Variants in SNX14 observed in about 807,000 individuals in gnomAD.
SNX14 encodes the protein sorting nexin-14.
Under a neutral mutation model 133.8 loss-of-function variants are expected in SNX14, and 93 were observed. The observed-to-expected ratio is 0.70, with a 90% CI of 0.59 to 0.83. The LOEUF (loss-of-function observed/expected upper bound fraction) is 0.83, where lower values mean the gene tolerates loss of function less well. Ranked by LOEUF, SNX14 falls within the 40% of genes least tolerant of loss-of-function variation. The probability of loss-of-function intolerance (pLI) is 0.00; values close to 1 mark genes in which losing one functional copy is unlikely to be tolerated. For missense variants in SNX14, 945 were observed against 1,094.9 expected, an observed-to-expected ratio of 0.86 and a Z score of 1.93; for synonymous variants, 368 against 365.6, an observed-to-expected ratio of 1.01 and a Z score of -0.07.
chr6:85,571,806 G>A (rs1795701770), intron 4 of SNX14, among the ~76,000 whole-genome samples: 1 of 152,108 alleles, frequency 6.6e-6, no homozygotes, highest in South Asian at 2.1e-4. Flanking sequence ...GCTATATATT[G>A]ATTTGCTCCT....
At chr6:85,532,600 C>T (rs1780634651) in intron 18 of SNX14, among the ~76,000 whole-genome samples, 1 of 152,224 alleles carries the variant, frequency 6.6e-6, no homozygotes, top group African/African-American at 2.4e-5. Context: ...ATAACTCCCT[C>T]TTCCTGAGCT....
At chr6:85,561,826 T>G (rs185782930) in intron 6 of SNX14, among the ~76,000 whole-genome samples, 1 of 141,128 alleles carries the variant, frequency 7.1e-6, no homozygotes, top group Non-Finnish European at 1.5e-5. Context: ...TTCTTTTTTG[T>G]TTTTTTTTTT....
At chr6:85,506,270 G>A (rs762431711) in intron 28 of SNX14, among the ~76,000 whole-genome samples, 2 of 151,904 alleles carry the variant, frequency 1.3e-5, no homozygotes, top group East Asian at 1.9e-4. Flanking sequence ...TACAAAGTCT[G>A]TAACTGCCAC....
At chr6:85,580,871 C>G (rs1442830884) in intron 1 of SNX14, among the ~76,000 whole-genome samples, 1 of 152,120 alleles carries the variant, frequency 6.6e-6, no homozygotes, top group Non-Finnish European at 1.5e-5. Context: ...GTTTCCAACT[C>G]CTGGTCCTGG....
intron 26 of SNX14, among the ~76,000 whole-genome samples, chr6:85,512,103 T>C (rs544076886): frequency 3.3e-5 from 5 of 152,108 alleles, no homozygotes; most frequent in Middle Eastern, 3.2e-3. Flanking sequence ...CCTTCTTCCA[T>C]GTGGAAGGCC....
chr6:85,578,447 G>GT (rs576061910), intron 1 of SNX14, among the ~76,000 whole-genome samples: 43 of 152,064 alleles, frequency 2.8e-4, no homozygotes, highest in Non-Finnish European at 4.6e-4. Context: ...GAAGAGGGGG[G>GT]TATCCTGGGG....
intron 7 of SNX14, among the ~76,000 whole-genome samples, chr6:85,556,411 A>AT (rs201884569): frequency 1.3e-5 from 2 of 151,382 alleles, no homozygotes; most frequent in East Asian, 3.9e-4. Flanking sequence ...AAGAAAAAAA[A>AT]TTTGTTTTTA....
At chr6:85,565,273 A>G (rs996217848) in intron 6 of SNX14, 59 bp downstream of exon 6, 1 of 1,116,510 alleles carries the variant, frequency 9.0e-7, no homozygotes, top group South Asian at 1.5e-5. Context: ...ATTGTTTTAA[A>G]TCTCTTTCAT....
intron 6 of SNX14, among the ~76,000 whole-genome samples, chr6:85,559,243 T>C (rs1454968220): frequency 6.6e-6 from 1 of 152,202 alleles, no homozygotes; most frequent in Non-Finnish European, 1.5e-5. Flanking sequence ...GCTAGTATTA[T>C]ACCTCATTGA....
At chr6:85,557,432 A>G (rs1790136127) in intron 7 of SNX14, among the ~76,000 whole-genome samples, 1 of 152,242 alleles carries the variant, frequency 6.6e-6, no homozygotes, top group Non-Finnish European at 1.5e-5. Flanking sequence ...TGTGCAAATC[A>G]TGACAGGAAA....
chr6:85,520,796 A>G (rs1776615085), intron 21 of SNX14, among the ~76,000 whole-genome samples: 1 of 152,156 alleles, frequency 6.6e-6, no homozygotes, highest in African/African-American at 2.4e-5. Context: ...GTTCATCCAC[A>G]TTGTTGCTAG....
intron 1 of SNX14, among the ~76,000 whole-genome samples, chr6:85,586,960 T>G (rs1801070915): frequency 6.6e-6 from 1 of 151,974 alleles, no homozygotes; most frequent in Non-Finnish European, 1.5e-5. Flanking sequence ...GCACAAGAAT[T>G]CCTTGAACTG....
At chr6:85,557,879 T>C (rs1790247232) in intron 7 of SNX14, 97 bp downstream of exon 7, 12 of 717,784 alleles carry the variant, frequency 1.7e-5, no homozygotes, top group South Asian at 4.9e-5. Flanking sequence ...ACTGTGAATA[T>C]GTAAGTTAAT....
intron 6 of SNX14, among the ~76,000 whole-genome samples, chr6:85,562,366 C>T (rs1209717256): frequency 6.6e-6 from 1 of 152,146 alleles, no homozygotes; most frequent in Non-Finnish European, 1.5e-5. Context: ...CCACCAGCAG[C>T]ATATGAGCAT....
At position 85,574,118 on chromosome 6, in the gene SNX14, AC is replaced by A. The variant is rs1269774713; in HGVS notation, c.261+139del. 7.0e-5 allele frequency: 30 copies of A among 428,470 alleles called. No individual in the cohort carries two copies. In the African/African-American group the frequency reaches 8.1e-4, roughly 12 times the overall value. 26.5% of individuals were successfully genotyped at this position (428,470 alleles called of 1,614,324 possible). Reference sequence around the variant, plus strand: ...GCTTTTAGCAGAGTACCTAAAAAAAACAAAAAAAAAAAAGAGAAGAAATTGA... The same window carrying A: ...GCTTTTAGCAGAGTACCTAAAAAAAAAAAAAAAAAAAAGAGAAGAAATTGA... On this transcript the variant is annotated intron_variant, in intron 2 of 28. Coordinates refer to ENST00000314673, the MANE Select transcript of SNX14 (RefSeq NM_153816.6).
intron 20 of SNX14, among the ~76,000 whole-genome samples, chr6:85,527,034 G>C (rs147315824): frequency 6.6e-6 from 1 of 151,978 alleles, no homozygotes; most frequent in East Asian, 1.9e-4. Flanking sequence ...GTGCCGTTGC[G>C]CTCCAGCCTA....
intron 21 of SNX14, among the ~76,000 whole-genome samples, chr6:85,524,327 A>C (rs1164858923): frequency 6.6e-6 from 1 of 152,210 alleles, no homozygotes; most frequent in African/African-American, 2.4e-5. Context: ...ATGTGTATAG[A>C]GATAAAGGAG....
At chr6:85,590,420 T>G (rs1459724630) in intron 1 of SNX14, among the ~76,000 whole-genome samples, 1 of 152,198 alleles carries the variant, frequency 6.6e-6, no homozygotes, top group African/African-American at 2.4e-5. Context: ...GGTGTAGCCA[T>G]TCTTTTATTC....
intron 6 of SNX14, among the ~76,000 whole-genome samples, chr6:85,564,283 A>G (rs1200463766): frequency 1.3e-5 from 2 of 152,188 alleles, no homozygotes; most frequent in East Asian, 3.9e-4. Context: ...TTGGGTATAT[A>G]CCCAGTAATG....
Sources: gnomAD v4.1 joint callset for allele counts (sites outside exome capture counted in the v4.1 genomes callset) on GRCh38, gnomAD v4.1.1 for gene constraint, MANE v1.5 for transcripts, NCBI Gene and HGNC (gene_info 2026-07-23, HGNC 2026-07-21) for gene names.